Variants in NXN observed in about 807,000 individuals in gnomAD.
The protein encoded by NXN is nucleoredoxin 1.
Under a neutral mutation model 48.6 loss-of-function variants are expected in NXN, and 16 were observed. That is an observed-to-expected ratio of 0.33 (90% confidence interval 0.22 to 0.50). The LOEUF is 0.50. Among genes scored for constraint, NXN ranks in the 20% least tolerant of loss-of-function variants. NXN has a pLI of 0.98. For missense variants in NXN, 492 were observed against 605.5 expected (o/e 0.81, Z 1.97); for synonymous variants, 281 against 269.6 (o/e 1.04, Z -0.41).
chr17:859,514 C>A (rs2068020433), intron 1 of NXN, among the ~76,000 whole-genome samples: 1 of 152,092 alleles, frequency 6.6e-6, no homozygotes, highest in Non-Finnish European at 1.5e-5. Context: ...TCCCAGCAAC[C>A]CTTATGCAGG....
At chr17:976,189 CTT>C (rs71371601) in intron 1 of NXN, among the ~76,000 whole-genome samples, 19,283 of 147,150 alleles carry the variant, frequency 0.13, 1,768 homozygotes, top group African/African-American at 0.26. Flanking sequence ...CATTTTTGTC[CTT>C]TTTTTTTTTG....
intron 1 of NXN, among the ~76,000 whole-genome samples, chr17:846,192 G>T (rs1440968648): frequency 6.6e-6 from 1 of 151,924 alleles, no homozygotes; most frequent in Non-Finnish European, 1.5e-5. Flanking sequence ...ACTTTGGGAG[G>T]CCAAGGCAGG....
At chr17:811,113 C>T (rs1597616827) in intron 5 of NXN, among the ~76,000 whole-genome samples, 1 of 152,124 alleles carries the variant, frequency 6.6e-6, no homozygotes, top group African/African-American at 2.4e-5. Context: ...AAGAAGGAGG[C>T]GGAGAAGGCA....
chr17:823,540 GGT>G, intron 3 of NXN, 90 bp downstream of exon 3: 3 of 1,459,736 alleles, frequency 2.1e-6, no homozygotes, highest in Non-Finnish European at 2.8e-6. Flanking sequence ...TTCCTGCCTG[GGT>G]GTCTCACCCC....
chr17:854,196 G>C (rs2067959372), intron 1 of NXN, among the ~76,000 whole-genome samples: 1 of 152,134 alleles, frequency 6.6e-6, no homozygotes, highest in African/African-American at 2.4e-5. Flanking sequence ...TGGAATAGCT[G>C]CTTCTAATTC....
chr17:825,935 A>T lies in NXN; in HGVS notation c.478+26T>A. On this transcript the variant is annotated intron_variant, in intron 2 of 7. Coordinates refer to ENST00000336868, the MANE Select transcript of NXN (RefSeq NM_022463.5). This position sits in a 1 kb window ranked among gnomAD's most constrained non-coding sequence, Gnocchi z 4.1. ...GGAGGGAGGGCTGGGTAATAAGAGG[A>T]CCATATGCACGGGCTGAGGTTTTAC... The T allele has an allele frequency of 6.9e-7, 1 of 1,442,906 alleles. No individual in the cohort carries two copies. The highest frequency in any genetic ancestry group is 1.7e-5 in the Admixed American group (1 of 57,960). 89.4% of individuals were successfully genotyped at this position (1,442,906 alleles called of 1,614,324 possible).
chr17:820,196 C>T (rs949847002), intron 4 of NXN, among the ~76,000 whole-genome samples: 6 of 152,162 alleles, frequency 3.9e-5, no homozygotes, highest in African/African-American at 1.4e-4. Context: ...TGTTCCGTGC[C>T]TTGTCTGTGA....
At chr17:974,847 T>C (rs919963409) in intron 1 of NXN, among the ~76,000 whole-genome samples, 17 of 151,848 alleles carry the variant, frequency 1.1e-4, no homozygotes, top group African/African-American at 3.6e-4. Context: ...ATTTATTTAA[T>C]ACAGGGTCTT....
chr17:843,449 C>T (rs1337404932), intron 1 of NXN, among the ~76,000 whole-genome samples: 7 of 152,202 alleles, frequency 4.6e-5, no homozygotes, highest in East Asian at 1.9e-4. Flanking sequence ...CTGCAGCTCT[C>T]GCAAGCTGAC....
At position 939,141 on chromosome 17, in the gene NXN, T is replaced by C. The variant is rs559794229; in HGVS notation, c.360+40178A>G. 1.8e-4 allele frequency among the ~76,000 whole-genome samples: 28 copies of C among 152,310 alleles called. No homozygotes were observed. In the East Asian group the frequency reaches 2.5e-3, roughly 14 times the overall value. ...ATCTTTGACCTAGCAATTCCTCTTC[T>C]AGGAATTTATCCTTAGAGAACCACC... On this transcript the variant is annotated intron_variant, in intron 1 of 7. Coordinates refer to ENST00000336868, the MANE Select transcript of NXN (RefSeq NM_022463.5).
At chr17:890,769 A>G (rs756472533) in intron 1 of NXN, among the ~76,000 whole-genome samples, 3 of 151,928 alleles carry the variant, frequency 2.0e-5, no homozygotes, top group Admixed American at 6.6e-5. Context: ...GGAGGAAGTA[A>G]TTTACGAAAA....
At chr17:902,811 G>A (rs1411562010) in intron 1 of NXN, among the ~76,000 whole-genome samples, 4 of 141,132 alleles carry the variant, frequency 2.8e-5, no homozygotes, top group South Asian at 2.2e-4. Context: ...ACTGACTTTC[G>A]CTCATCACCC....
chr17:945,457 G>A (rs1485989222), intron 1 of NXN, among the ~76,000 whole-genome samples: 5 of 150,892 alleles, frequency 3.3e-5, no homozygotes, highest in South Asian at 2.1e-4. Context: ...GTGAAACCCC[G>A]TCTCTACTAA....
At chr17:888,412 G>A (rs7223102) in intron 1 of NXN, among the ~76,000 whole-genome samples, 108,514 of 151,646 alleles carry the variant, frequency 0.72, 40,683 homozygotes, top group Middle Eastern at 0.86. Context: ...GTAGAGATGG[G>A]GTCTCGCTGT....
chr17:832,553 C>CCCTCTAAATGGTACCCTCTAAATGGT (rs1913542203), intron 1 of NXN, among the ~76,000 whole-genome samples: 1 of 152,056 alleles, frequency 6.6e-6, no homozygotes, highest in Non-Finnish European at 1.5e-5. Flanking sequence ...CCTCTAAATG[C>CCCTCTAAATGGTACCCTCTAAATGGT]TCAGGAGAAA....
chr17:955,040 G>A (rs2069150237), intron 1 of NXN, among the ~76,000 whole-genome samples: 1 of 151,422 alleles, frequency 6.6e-6, no homozygotes, highest in African/African-American at 2.4e-5. Context: ...AAACAACTCT[G>A]CTGTCAGGAA....
chr17:838,123 C>CTTAT (rs1196301886), intron 1 of NXN, among the ~76,000 whole-genome samples: 5 of 125,986 alleles, frequency 4.0e-5, no homozygotes, highest in Non-Finnish European at 4.9e-5. Flanking sequence ...TTTTCCTTTC[C>CTTAT]TTCTTTTTTT....
chr17:842,425 G>T (rs1039479500), intron 1 of NXN: 4 of 737,772 alleles, frequency 5.4e-6, no homozygotes, highest in African/African-American at 1.9e-5. Context: ...GCCCGGGTCC[G>T]GCTGTGGGCT....
chr17:836,248 A>C (rs1228826139), intron 1 of NXN, among the ~76,000 whole-genome samples: 5 of 152,210 alleles, frequency 3.3e-5, no homozygotes, highest in African/African-American at 4.8e-5. Context: ...GCTAAGGACC[A>C]GGTCTTGCTC....
Sources: gnomAD v4.1 joint callset for allele counts (sites outside exome capture counted in the v4.1 genomes callset) on GRCh38, gnomAD v4.1.1 for gene constraint, Gnocchi (gnomAD v3.1) non-coding constraint, MANE v1.5 for transcripts, NCBI Gene and HGNC (gene_info 2026-07-23, HGNC 2026-07-21) for gene names.